The following CAST variants were observed in gnomAD, a reference collection of about 807,000 sequenced individuals.
CAST encodes the protein MIR583 host.
In CAST, 76 loss-of-function variants were observed where a neutral mutation model predicts 119.6. The ratio of observed to expected loss-of-function variants is 0.64; its 90% CI spans 0.53 to 0.77. CAST has a LOEUF of 0.77. Among genes scored for constraint, CAST ranks in the 30% least tolerant of loss-of-function variants. The pLI, the probability that CAST is intolerant of heterozygous loss-of-function variation, is 0.00. For synonymous variants in CAST, 319 were observed against 331.6 expected, an observed-to-expected ratio of 0.96 and a Z score of 0.41; for missense variants, 953 against 946.5, an observed-to-expected ratio of 1.01 and a Z score of -0.09.
chr5:96,184,202 G>C, the CAST span, among the ~76,000 whole-genome samples: 1 of 152,052 alleles, frequency 6.6e-6, no homozygotes, highest in Admixed American at 6.5e-5. Flanking sequence ...GTTGACTCAA[G>C]ACCCAGGATC....
intron 1 of CAST, among the ~76,000 whole-genome samples, chr5:96,562,255 A>G (rs1443259736): frequency 6.6e-6 from 1 of 152,210 alleles, no homozygotes; most frequent in Non-Finnish European, 1.5e-5. Context: ...ATGACAACTG[A>G]GAAAAATATT....
At chr5:96,140,243 A>G in the CAST span, among the ~76,000 whole-genome samples, 3 of 152,336 alleles carry the variant, frequency 2.0e-5, no homozygotes, top group Admixed American at 6.5e-5. Flanking sequence ...AAAGCATATC[A>G]AGTATTTGGA....
chr5:96,281,057 CTG>C, the CAST span, among the ~76,000 whole-genome samples: 3 of 152,248 alleles, frequency 2.0e-5, no homozygotes, highest in Non-Finnish European at 2.9e-5. Flanking sequence ...TTAGACCTCT[CTG>C]TCTCTTGAGA....
chr5:96,406,897 C>T, the CAST span, among the ~76,000 whole-genome samples: 1 of 152,112 alleles, frequency 6.6e-6, no homozygotes, highest in Non-Finnish European at 1.5e-5. Context: ...CATCAGAAAG[C>T]AGGAATGAGG....
At chr5:96,298,720 A>T in the CAST span, among the ~76,000 whole-genome samples, 1 of 152,210 alleles carries the variant, frequency 6.6e-6, no homozygotes, top group Non-Finnish European at 1.5e-5. Context: ...TTTAGTCTGT[A>T]TGTAGGCTTT....
the CAST span, among the ~76,000 whole-genome samples, chr5:96,168,845 C>A: frequency 6.5e-4 from 98 of 151,918 alleles, no homozygotes; most frequent in Non-Finnish European, 1.0e-3. Flanking sequence ...AGCTGGGAAG[C>A]AAAAAGTATA....
At chr5:96,671,503 G>A (rs1750068039) in intron 1 of CAST, among the ~76,000 whole-genome samples, 1 of 152,154 alleles carries the variant, frequency 6.6e-6, no homozygotes, top group Non-Finnish European at 1.5e-5. Context: ...TTTGGCCCAT[G>A]TAATCCTGAG....
At position 96,753,954 on chromosome 5, in the gene CAST, G is replaced by A. The variant is rs27583; in HGVS notation, c.1525-106G>A. The A allele has an allele frequency of 0.83, 572,275 of 687,442 alleles. 239,300 individuals are homozygous for A. The highest frequency in any genetic ancestry group is 0.89 in the Admixed American group (39,312 of 43,950). The allele number at this position is 687,442 out of a possible 1,614,324, so 42.6% of individuals were successfully genotyped here. A position where few individuals can be genotyped will look rare whatever the true frequency, so the allele number is the denominator to read the frequency against. ...ATAACTCGAGTTATTAAAAGATAGC[G>A]TGTGCCTTTTATCTGAAATAATGAT... On this transcript the variant is annotated intron_variant, in intron 20 of 31. Transcript: ENST00000675179.
chr5:96,562,645 A>G (rs1746402272), intron 1 of CAST, among the ~76,000 whole-genome samples: 1 of 152,214 alleles, frequency 6.6e-6, no homozygotes, highest in African/African-American at 2.4e-5. Flanking sequence ...TTTACTATAC[A>G]TGTACTTGCA....
At chr5:96,452,160 T>G in the CAST span, among the ~76,000 whole-genome samples, 1 of 152,160 alleles carries the variant, frequency 6.6e-6, no homozygotes, top group South Asian at 2.1e-4. Context: ...CAAAAGATTA[T>G]AAATCATTCT....
intron 1 of CAST, among the ~76,000 whole-genome samples, chr5:96,628,287 G>A (rs1747762385): frequency 6.6e-6 from 1 of 152,126 alleles, no homozygotes; most frequent in East Asian, 1.9e-4. Flanking sequence ...CAAAATGTTT[G>A]GTATTCAAAA....
At chr5:95,974,849 T>A in the CAST span, among the ~76,000 whole-genome samples, 1 of 152,232 alleles carries the variant, frequency 6.6e-6, no homozygotes, top group African/African-American at 2.4e-5. Flanking sequence ...ATATACATTT[T>A]AAAATATTGA....
chr5:96,078,244 C>A, the CAST span, among the ~76,000 whole-genome samples: 1 of 152,142 alleles, frequency 6.6e-6, no homozygotes, highest in East Asian at 1.9e-4. Context: ...GGGGTTTCAA[C>A]ATATGAATTT....
At chr5:96,700,377 G>A (rs770611061) in intron 3 of CAST, among the ~76,000 whole-genome samples, 20 of 152,114 alleles carry the variant, frequency 1.3e-4, no homozygotes, top group Non-Finnish European at 2.5e-4. Flanking sequence ...ATCTATGGCA[G>A]GTTAAAAAAT....
At chr5:96,741,051 A>T in intron 13 of CAST, 1 of 595,914 alleles carries the variant, frequency 1.7e-6, no homozygotes. Flanking sequence ...TAGAATGAGA[A>T]TGTAACTCCT....
intron 20 of CAST, among the ~76,000 whole-genome samples, chr5:96,751,967 C>G (rs532129489): frequency 9.7e-4 from 147 of 152,298 alleles, no homozygotes; most frequent in African/African-American, 3.3e-3. Context: ...GTTACTGTCA[C>G]TGAGGCAGTT....
chr5:96,739,981 A>T (rs1048484359), intron 11 of CAST, 57 bp from the exon 12 acceptor site: 1 of 794,244 alleles, frequency 1.3e-6, no homozygotes, highest in Non-Finnish European at 2.1e-6. Context: ...GAATATGCAT[A>T]TAGCATTGTC....
chr5:96,533,037 AT>A (rs1381498790), intron 1 of CAST, among the ~76,000 whole-genome samples: 85 of 125,440 alleles, frequency 6.8e-4, no homozygotes, highest in Admixed American at 2.3e-3. Context: ...AAAAAAAAAA[AT>A]AAAAATAAAA....
the CAST span, among the ~76,000 whole-genome samples, chr5:96,406,501 G>A: frequency 6.6e-6 from 1 of 152,102 alleles, no homozygotes; most frequent in Non-Finnish European, 1.5e-5. Flanking sequence ...CCAAGTAGGT[G>A]GACTCTTGGT....
Sources: allele counts gnomAD v4.1 joint callset (sites outside exome capture counted in the v4.1 genomes callset), GRCh38; gene constraint gnomAD v4.1.1; transcripts MANE v1.5; gene names NCBI Gene and HGNC (gene_info 2026-07-23, HGNC 2026-07-21).